The following ILDR1 variants were observed in gnomAD, a reference collection of about 807,000 sequenced individuals.
ILDR1 encodes the protein immunoglobulin-like domain-containing receptor 1.
In ILDR1, 56 loss-of-function variants were observed where a neutral mutation model predicts 62.4. The ratio of observed to expected loss-of-function variants is 0.90; its 90% CI spans 0.72 to 1.12. ILDR1 has a LOEUF of 1.12. ILDR1 is among the 50% of genes most tolerant of loss of function. The pLI is 0.00. For missense variants in ILDR1, 736 were observed against 710.6 expected, an observed-to-expected ratio of 1.04 and a Z score of -0.41; for synonymous variants, 284 against 277.8, an observed-to-expected ratio of 1.02 and a Z score of -0.22.
intron 1 of ILDR1, among the ~76,000 whole-genome samples, chr3:122,009,847 A>T (rs1432229575): frequency 6.6e-6 from 1 of 152,236 alleles, no homozygotes; most frequent in Non-Finnish European, 1.5e-5. Context: ...AGGCACCTGC[A>T]TCTGGGTTTC....
At chr3:122,015,673 T>C (rs1010104782) in intron 1 of ILDR1, among the ~76,000 whole-genome samples, 2 of 152,234 alleles carry the variant, frequency 1.3e-5, no homozygotes, top group African/African-American at 4.8e-5. Flanking sequence ...TCCCCAGCCC[T>C]GCAGAACTGT....
chr3:122,020,660 C>T (rs2071841175), intron 1 of ILDR1, among the ~76,000 whole-genome samples: 1 of 152,196 alleles, frequency 6.6e-6, no homozygotes, highest in Admixed American at 6.5e-5. Flanking sequence ...TTGAGATGAG[C>T]AGGGGAGCCA....
the ILDR1 span, among the ~76,000 whole-genome samples, chr3:122,028,431 AAC>A: frequency 6.6e-6 from 1 of 152,178 alleles, no homozygotes; most frequent in Non-Finnish European, 1.5e-5. Context: ...TGAAAGGAAA[AAC>A]AGTTTGTTAT....
intron 5 of ILDR1, among the ~76,000 whole-genome samples, chr3:121,999,616 C>G (rs1055551638): frequency 1.3e-5 from 2 of 152,178 alleles, no homozygotes; most frequent in African/African-American, 2.4e-5. Flanking sequence ...TGTGGCTCCT[C>G]TACCAGCAGC....
the ILDR1 span, among the ~76,000 whole-genome samples, chr3:122,034,053 T>C: frequency 6.6e-6 from 1 of 152,230 alleles, no homozygotes; most frequent in East Asian, 1.9e-4. Context: ...ATTAAATCAA[T>C]AGATCAATTT....
chr3:122,033,351 C>T, the ILDR1 span, among the ~76,000 whole-genome samples: 2 of 151,696 alleles, frequency 1.3e-5, no homozygotes, highest in African/African-American at 4.8e-5. Flanking sequence ...CTTTTTCTTA[C>T]TGGAGTTTGT....
intron 7 of ILDR1, among the ~76,000 whole-genome samples, chr3:121,988,861 AT>A (rs1240866351): frequency 1.3e-5 from 2 of 152,124 alleles, no homozygotes; most frequent in Admixed American, 6.5e-5. Flanking sequence ...AAACCTTAGT[AT>A]TTCTCTGAAG....
intron 1 of ILDR1, among the ~76,000 whole-genome samples, chr3:122,014,056 C>T (rs1165117016): frequency 1.3e-5 from 2 of 152,190 alleles, no homozygotes; most frequent in South Asian, 2.1e-4. Flanking sequence ...AAGCTTAGAC[C>T]TCCACTACAC....
rs2071587632 is a variant in ILDR1 at position 122,005,269 on chromosome 3, C to T, written c.354G>A (p.Arg118=). Residue 118 remains arginine (R), a synonymous_variant, in exon 3 of 8, where the codon CGG becomes CGA. Transcript: ENST00000344209. ...QNEPVLGVDY[R]QRKITIQNRA... ...GGTTCTGGATGGTGATCTTGCGCTGCCGGTAATCTACCCCCAGCACGGGCT... is the reference window on the plus strand; with the variant it reads ...GGTTCTGGATGGTGATCTTGCGCTGTCGGTAATCTACCCCCAGCACGGGCT... 1 of 1,595,306 alleles carries T rather than the reference C, an allele frequency of 6.3e-7. No homozygotes were observed.
intron 1 of ILDR1, among the ~76,000 whole-genome samples, chr3:122,016,534 T>C (rs983209533): frequency 6.6e-6 from 1 of 152,206 alleles, no homozygotes; most frequent in Non-Finnish European, 1.5e-5. Context: ...CCATGTCTAG[T>C]ACAGCCAGAC....
the ILDR1 span, among the ~76,000 whole-genome samples, chr3:122,053,980 T>C: frequency 6.6e-6 from 1 of 152,354 alleles, no homozygotes; most frequent in South Asian, 2.1e-4. Context: ...TCTGCAATAA[T>C]TTTGAAGATA....
At chr3:122,053,689 T>C in the ILDR1 span, among the ~76,000 whole-genome samples, 1 of 152,176 alleles carries the variant, frequency 6.6e-6, no homozygotes, top group South Asian at 2.1e-4. Context: ...TTTCACAGTG[T>C]ATACTTGATG....
At chr3:121,988,545 A>T in intron 7 of ILDR1, 137 bp from the exon 8 acceptor site, 1 of 725,000 alleles carries the variant, frequency 1.4e-6, no homozygotes, top group East Asian at 2.7e-5. Flanking sequence ...GAACCTAAAA[A>T]GTATTTCTTT....
chr3:122,002,726 G>T (rs2071547103), intron 3 of ILDR1, among the ~76,000 whole-genome samples: 1 of 151,914 alleles, frequency 6.6e-6, no homozygotes, highest in Non-Finnish European at 1.5e-5. Flanking sequence ...TCGGTATAAA[G>T]CCAAGCATCC....
intron 1 of ILDR1, among the ~76,000 whole-genome samples, chr3:122,007,993 G>A (rs1049217557): frequency 3.9e-5 from 6 of 152,104 alleles, no homozygotes; most frequent in South Asian, 2.1e-4. Context: ...AGAGAAAAAC[G>A]CAGTCGGCCT....
the ILDR1 span, among the ~76,000 whole-genome samples, chr3:122,028,322 C>CA: frequency 8.6e-6 from 1 of 116,672 alleles, no homozygotes; most frequent in Non-Finnish European, 1.6e-5. Context: ...GGCAACAGAG[C>CA]GAGACTCCAT....
At chr3:122,042,964 G>C in the ILDR1 span, among the ~76,000 whole-genome samples, 1 of 149,564 alleles carries the variant, frequency 6.7e-6, no homozygotes, top group South Asian at 2.2e-4. Flanking sequence ...CATTGCTTTT[G>C]GTGTTTTGGA....
At chr3:122,027,830 C>G in the ILDR1 span, among the ~76,000 whole-genome samples, 1 of 152,198 alleles carries the variant, frequency 6.6e-6, no homozygotes, top group East Asian at 1.9e-4. Flanking sequence ...ATTATTGAAC[C>G]TGACAAGGGG....
chr3:122,030,655 G>C, the ILDR1 span, among the ~76,000 whole-genome samples: 2 of 136,778 alleles, frequency 1.5e-5, no homozygotes, highest in African/African-American at 5.8e-5. Flanking sequence ...CTCTCTCTAA[G>C]TGTTTCTTAC....
Sources: gnomAD v4.1 joint callset for allele counts (sites outside exome capture counted in the v4.1 genomes callset) on GRCh38, gnomAD v4.1.1 for gene constraint, MANE v1.5 for transcripts, NCBI Gene and HGNC (gene_info 2026-07-23, HGNC 2026-07-21) for gene names.